The following LHPP variants were observed in gnomAD, a reference collection of about 807,000 sequenced individuals.
The protein encoded by LHPP is hLHPP.
In LHPP, 24 loss-of-function variants were observed where a neutral mutation model predicts 30.3. The observed-to-expected ratio is 0.79, with a 90% CI of 0.57 to 1.11. The LOEUF is 1.11. Among genes scored for constraint, LHPP ranks in the 50% most tolerant of loss-of-function variants. The probability of loss-of-function intolerance (pLI) is 0.00; values close to 1 mark genes in which losing one functional copy is unlikely to be tolerated. For missense variants in LHPP, 356 were observed against 367.2 expected (o/e 0.97, Z 0.25); for synonymous variants, 150 against 157.1 (o/e 0.95, Z 0.34).
chr10:124,527,211 C>G (rs1589830938), intron 6 of LHPP, among the ~76,000 whole-genome samples: 2 of 152,232 alleles, frequency 1.3e-5, no homozygotes, highest in Non-Finnish European at 2.9e-5. Context: ...GGCACATCCC[C>G]CACAGCATTC....
intron 6 of LHPP, among the ~76,000 whole-genome samples, chr10:124,609,347 A>C (rs1324825729): frequency 6.6e-6 from 1 of 151,960 alleles, no homozygotes; most frequent in Non-Finnish European, 1.5e-5. Flanking sequence ...GGCTCAGGTG[A>C]TCCTCCCACC....
chr10:124,553,660 C>T (rs554013112), intron 6 of LHPP, among the ~76,000 whole-genome samples: 65 of 152,126 alleles, frequency 4.3e-4, no homozygotes, highest in African/African-American at 1.2e-3. Context: ...AGGGTTTCAC[C>T]GTGTTAGCCA....
chr10:124,473,857 A>G (rs1407213171), intron 1 of LHPP, among the ~76,000 whole-genome samples: 2 of 152,120 alleles, frequency 1.3e-5, no homozygotes, highest in African/African-American at 4.8e-5. Flanking sequence ...AGGAGACTGA[A>G]GAATCACTTG....
intron 1 of LHPP, among the ~76,000 whole-genome samples, chr10:124,470,726 C>T (rs912431372): frequency 6.6e-6 from 1 of 152,128 alleles, no homozygotes; most frequent in Non-Finnish European, 1.5e-5. Context: ...AACTTCATCT[C>T]TATTGCCTCA....
At chr10:124,463,893 T>C (rs1247898336) in intron 1 of LHPP, among the ~76,000 whole-genome samples, 2 of 149,798 alleles carry the variant, frequency 1.3e-5, no homozygotes, top group African/African-American at 4.9e-5. Flanking sequence ...TCAATCTCAC[T>C]GCAACCTCTA....
intron 6 of LHPP, among the ~76,000 whole-genome samples, chr10:124,527,545 G>A (rs10794145): frequency 0.97 from 147,329 of 152,256 alleles, 71,461 homozygotes; most frequent in East Asian, 1. Flanking sequence ...TCCAGGCTGG[G>A]GTGCCCTTTG....
chr10:124,478,775 C>T lies in LHPP; in HGVS notation c.126-5364C>T, dbSNP rs564559513. 1.7e-4 allele frequency among the ~76,000 whole-genome samples: 26 copies of T among 152,224 alleles called. No individual in the cohort carries two copies. Among genetic ancestry groups the T allele is most frequent in the African/African-American group, 5.8e-4 (24 of 41,558 alleles). On this transcript the variant is annotated intron_variant, in intron 1 of 6. Transcript: ENST00000368842. The surrounding 1 kb of genome is among the most constrained non-coding windows in gnomAD (Gnocchi z 4.7). ...GTTCAAAGATCCAGTTTGGGCCAGG[C>T]GCGGTGGCTCAGGCCGGGTGCCATG... is the stretch of plus-strand genomic sequence containing the variant.
rs970756454 is a variant in LHPP, at chr10:124,496,050, A to G, written c.468-911A>G. ...TCCACGTCTCCCATATCGTAAGGGC[A>G]TGGCAGGAGGAGAGGGAAACTGATG... On this transcript the variant is annotated intron_variant, in intron 3 of 6. Coordinates refer to ENST00000368842, the MANE Select transcript of LHPP (RefSeq NM_022126.4). The surrounding 1 kb of genome is among the most constrained non-coding windows in gnomAD (Gnocchi z 4.3). 2.0e-5 allele frequency among the ~76,000 whole-genome samples: 3 copies of G among 152,220 alleles called. No individual in the cohort carries two copies. The highest frequency in any genetic ancestry group is 6.5e-5 in the Admixed American group (1 of 15,284).
At chr10:124,547,037 A>ATGCG (rs375486788) in intron 6 of LHPP, among the ~76,000 whole-genome samples, 2 of 13,150 alleles carry the variant, frequency 1.5e-4, no homozygotes, top group African/African-American at 9.3e-5. Flanking sequence ...ACACACGCAC[A>ATGCG]CGCGCGCACA....
At chr10:124,486,294 A>G (rs1277367279) in intron 2 of LHPP, among the ~76,000 whole-genome samples, 3 of 152,052 alleles carry the variant, frequency 2.0e-5, no homozygotes, top group Non-Finnish European at 4.4e-5. Flanking sequence ...AGAGGCAACC[A>G]CTGTTTGGAT....
intron 6 of LHPP, among the ~76,000 whole-genome samples, chr10:124,528,795 G>A (rs1208134691): frequency 6.6e-6 from 1 of 152,124 alleles, no homozygotes. Flanking sequence ...AGGATGTGGG[G>A]GATCGAGTGA....
intron 5 of LHPP, chr10:124,498,660 CTTTTTTTTTT>C (rs552228070): frequency 2.5e-5 from 9 of 354,426 alleles, no homozygotes; most frequent in East Asian, 8.0e-5. Flanking sequence ...TTTTCTTTTT[CTTTTTTTTTT>C]TTTTTTTTTT....
chr10:124,496,240 T>C lies in LHPP; in HGVS notation c.468-721T>C, dbSNP rs973190876. 6.6e-6 allele frequency among the ~76,000 whole-genome samples: 1 copy of C among 152,220 alleles called. No individual in the cohort carries two copies. The highest frequency in any genetic ancestry group is 6.5e-5 in the Admixed American group (1 of 15,284). On this transcript the variant is annotated intron_variant, in intron 3 of 6. Transcript: ENST00000368842. This position sits in a 1 kb window ranked among gnomAD's most constrained non-coding sequence, Gnocchi z 4.3. Reference sequence around the variant, plus strand: ...AGCCAGAGCCAGGTCTGGCCCACCATGTGTCTGGACTGTGAGTGCCTTGAG... The same window carrying C: ...AGCCAGAGCCAGGTCTGGCCCACCACGTGTCTGGACTGTGAGTGCCTTGAG...
intron 6 of LHPP, among the ~76,000 whole-genome samples, chr10:124,540,170 C>A (rs550444776): frequency 6.6e-6 from 1 of 152,138 alleles, no homozygotes; most frequent in Non-Finnish European, 1.5e-5. Flanking sequence ...TGTGTCTGTG[C>A]GCTTCGGTGG....
At chr10:124,548,345 C>G (rs35194265) in intron 6 of LHPP, among the ~76,000 whole-genome samples, 21,101 of 152,170 alleles carry the variant, frequency 0.14, 1,935 homozygotes, top group Non-Finnish European at 0.2. Flanking sequence ...TCTCTTTCTA[C>G]CCGGAACCCC....
chr10:124,585,487 CG>C (rs1948792867), intron 6 of LHPP, among the ~76,000 whole-genome samples: 2 of 151,680 alleles, frequency 1.3e-5, no homozygotes, highest in South Asian at 4.2e-4. Context: ...TGGTGGCTGG[CG>C]CCTGTAGTCC....
chr10:124,611,707 A>G (rs1949202089), intron 6 of LHPP, among the ~76,000 whole-genome samples: 1 of 152,142 alleles, frequency 6.6e-6, no homozygotes, highest in African/African-American at 2.4e-5. Flanking sequence ...GAGAACCCTT[A>G]AAAGAAAAAG....
intron 6 of LHPP, chr10:124,612,999 TCCA>T (rs1949221393): frequency 3.7e-6 from 2 of 534,500 alleles, no homozygotes; most frequent in Non-Finnish European, 6.8e-6. Flanking sequence ...CGGCTGTCAC[TCCA>T]CCACAAGGCT....
chr10:124,487,676 T>C (rs1376317977), intron 2 of LHPP, among the ~76,000 whole-genome samples: 2 of 152,098 alleles, frequency 1.3e-5, no homozygotes, highest in East Asian at 3.9e-4. Flanking sequence ...ACTCCTGAAC[T>C]CAGGCGATCC....
Sources: gnomAD v4.1 joint callset for allele counts (sites outside exome capture counted in the v4.1 genomes callset) on GRCh38, gnomAD v4.1.1 for gene constraint, Gnocchi (gnomAD v3.1) non-coding constraint, MANE v1.5 for transcripts, NCBI Gene and HGNC (gene_info 2026-07-23, HGNC 2026-07-21) for gene names.